The following PDE1C variants were observed in gnomAD, a reference collection of about 807,000 sequenced individuals.
PDE1C encodes the protein dual specificity calcium/calmodulin-dependent 3',5'-cyclic nucleotide phosphodiesterase 1C.
In PDE1C, 62 loss-of-function variants were observed where a neutral mutation model predicts 93.1. That is an observed-to-expected ratio of 0.67 (90% CI 0.54 to 0.82). PDE1C has a LOEUF of 0.82. PDE1C is among the 40% of genes least tolerant of loss of function. The pLI, the probability that PDE1C is intolerant of heterozygous loss-of-function variation, is 0.00. For missense variants in PDE1C, 742 were observed against 884.6 expected, an observed-to-expected ratio of 0.84 and a Z score of 2.04; for synonymous variants, 325 against 310.1, an observed-to-expected ratio of 1.05 and a Z score of -0.50.
At chr7:32,425,659 G>A (rs535847645) in intron 1 of PDE1C, among the ~76,000 whole-genome samples, 1 of 152,228 alleles carries the variant, frequency 6.6e-6, no homozygotes, top group South Asian at 2.1e-4. Context: ...TGCCCAAACC[G>A]GTGAAAGCAG....
At chr7:32,336,986 C>T (rs1783638475) in intron 1 of PDE1C, among the ~76,000 whole-genome samples, 1 of 152,160 alleles carries the variant, frequency 6.6e-6, no homozygotes, top group Admixed American at 6.5e-5. Context: ...ATCTTACACC[C>T]CGCCCTCCCT....
chr7:32,054,223 TG>T (rs1353000707), intron 1 of PDE1C, among the ~76,000 whole-genome samples: 1 of 152,170 alleles, frequency 6.6e-6, no homozygotes, highest in Non-Finnish European at 1.5e-5. Flanking sequence ...CCGTTCTCCG[TG>T]GCATTGCATT....
intron 14 of PDE1C, among the ~76,000 whole-genome samples, chr7:31,819,495 T>C (rs1355219756): frequency 6.6e-6 from 1 of 152,132 alleles, no homozygotes; most frequent in African/African-American, 2.4e-5. Flanking sequence ...ATTTAGCATC[T>C]ACTAGGCTTC....
the PDE1C span, among the ~76,000 whole-genome samples, chr7:31,663,002 C>T: frequency 3.3e-4 from 50 of 152,270 alleles, no homozygotes; most frequent in African/African-American, 1.1e-3. Flanking sequence ...CCCATGATCC[C>T]ACCCCTATCT....
At chr7:31,748,675 C>T (rs961651417), downstream of PDE1C, among the ~76,000 whole-genome samples, 3 of 152,224 alleles carry the variant, frequency 2.0e-5, no homozygotes, top group Non-Finnish European at 4.4e-5. Context: ...CAAAGGCCTA[C>T]TGTCACCATC....
chr7:32,188,386 G>A (rs1018543476), intron 2 of PDE1C, among the ~76,000 whole-genome samples: 2 of 151,866 alleles, frequency 1.3e-5, no homozygotes, highest in African/African-American at 4.8e-5. Context: ...ATTTATGTTG[G>A]TTCTTTCTTT....
intron 2 of PDE1C, among the ~76,000 whole-genome samples, chr7:31,943,093 T>C (rs117761969): frequency 0.026 from 4,030 of 152,232 alleles, 62 homozygotes; most frequent in South Asian, 0.072. Flanking sequence ...AAATTCCCCA[T>C]ACTAGGGGTA....
chr7:31,650,793 C>T, the PDE1C span, among the ~76,000 whole-genome samples: 3 of 152,306 alleles, frequency 2.0e-5, no homozygotes, highest in African/African-American at 7.2e-5. Context: ...ATTAAACAGA[C>T]TCAATTTCTC....
At chr7:31,749,211 G>T (rs1455012494), downstream of PDE1C, among the ~76,000 whole-genome samples, 2 of 151,968 alleles carry the variant, frequency 1.3e-5, no homozygotes, top group Non-Finnish European at 2.9e-5. Flanking sequence ...ATAAATGAAA[G>T]TCACTGCCCT....
At chr7:31,755,572 C>CAA (rs35159565) in intron 17 of PDE1C, among the ~76,000 whole-genome samples, 89 of 150,956 alleles carry the variant, frequency 5.9e-4, no homozygotes, top group South Asian at 1.5e-3. Flanking sequence ...TTGAAGTGTT[C>CAA]AAAAAAAACA....
the PDE1C span, among the ~76,000 whole-genome samples, chr7:31,715,710 G>A: frequency 1.6e-4 from 24 of 152,198 alleles, no homozygotes; most frequent in Non-Finnish European, 3.5e-4. Flanking sequence ...GGCCTACAGA[G>A]TTTTGTTCCA....
chr7:31,780,929 T>G (rs1051385358), intron 16 of PDE1C, among the ~76,000 whole-genome samples: 2 of 152,126 alleles, frequency 1.3e-5, no homozygotes, highest in Non-Finnish European at 2.9e-5. Context: ...ATGTGGCCAT[T>G]TAAGGAGTAA....
intron 14 of PDE1C, among the ~76,000 whole-genome samples, chr7:31,816,968 A>G (rs1215381777): frequency 6.6e-6 from 1 of 152,212 alleles, no homozygotes; most frequent in Non-Finnish European, 1.5e-5. Flanking sequence ...AGTATTTATG[A>G]AAAGATTGGT....
chr7:32,328,341 C>T (rs989857138), intron 1 of PDE1C, among the ~76,000 whole-genome samples: 3 of 152,156 alleles, frequency 2.0e-5, no homozygotes, highest in Non-Finnish European at 2.9e-5. Context: ...AAATAAAAAC[C>T]AGAGAAATAT....
chr7:31,772,029 G>C (rs1308557633), intron 17 of PDE1C, among the ~76,000 whole-genome samples: 1 of 146,116 alleles, frequency 6.8e-6, no homozygotes, highest in Non-Finnish European at 1.5e-5. Context: ...CTGGGCGAAA[G>C]AGCGGGACTC....
At chr7:32,132,061 G>A (rs1015779684) in intron 3 of PDE1C, among the ~76,000 whole-genome samples, 9 of 152,102 alleles carry the variant, frequency 5.9e-5, no homozygotes, top group African/African-American at 2.2e-4. Context: ...TCTCTAAGAA[G>A]ATAATATTAA....
chr7:31,700,493 T>A, the PDE1C span, among the ~76,000 whole-genome samples: 1 of 152,140 alleles, frequency 6.6e-6, no homozygotes, highest in Non-Finnish European at 1.5e-5. Flanking sequence ...AAGTGCAAAG[T>A]GAAGCAACAA....
At chr7:32,256,818 T>C (rs1396080181) in intron 1 of PDE1C, among the ~76,000 whole-genome samples, 2 of 152,242 alleles carry the variant, frequency 1.3e-5, no homozygotes, top group Admixed American at 6.5e-5. Flanking sequence ...ATACAAGCTA[T>C]ATTAAAATGC....
At chr7:32,320,784 AG>A (rs1783274290) in intron 1 of PDE1C, among the ~76,000 whole-genome samples, 1 of 152,262 alleles carries the variant, frequency 6.6e-6, no homozygotes, top group Admixed American at 6.5e-5. Flanking sequence ...TTAGAAAAGC[AG>A]AGCAAGGAAA....
Sources: gnomAD v4.1 joint callset for allele counts (sites outside exome capture counted in the v4.1 genomes callset) on GRCh38, gnomAD v4.1.1 for gene constraint, MANE v1.5 for transcripts, NCBI Gene and HGNC (gene_info 2026-07-23, HGNC 2026-07-21) for gene names.